The following ITGA4 variants were observed in gnomAD, a reference collection of about 807,000 sequenced individuals.
ITGA4 encodes the protein integrin alpha-4.
A neutral mutation model predicts 133.6 loss-of-function variants in ITGA4; 63 were observed. The ratio of observed to expected loss-of-function variants is 0.47; its 90% CI spans 0.38 to 0.58. The LOEUF is 0.58. Among genes scored for constraint, ITGA4 ranks in the 20% least tolerant of loss-of-function variants. The probability of loss-of-function intolerance (pLI) is 0.00; values close to 1 mark genes in which losing one functional copy is unlikely to be tolerated. For synonymous variants in ITGA4, 483 were observed against 438.0 expected, an observed-to-expected ratio of 1.10 and a Z score of -1.28; for missense variants, 1,076 against 1,252.7, an observed-to-expected ratio of 0.86 and a Z score of 2.13.
rs35723610 is a variant in ITGA4 at position 181,490,484 on chromosome 2, C to CGT, written c.1154-2800_1154-2799dup. 3.2e-3 allele frequency among the ~76,000 whole-genome samples: 440 copies of CGT among 137,822 alleles called. 4 individuals are homozygous for CGT. Among genetic ancestry groups the CGT allele is most frequent in the Middle Eastern group, 7.4e-3 (2 of 270 alleles). The allele number at this position is 137,822 out of a possible 152,430, so 90.4% of individuals were successfully genotyped here. On this transcript the variant is annotated intron_variant, in intron 10 of 27. Coordinates refer to ENST00000397033, the MANE Select transcript of ITGA4 (RefSeq NM_000885.6). ...TTTTTTTTTATGGCTGAATAGTATT[C>CGT]GTGTGTGTGTGTGTGTGTGTGTGTG...
intron 14 of ITGA4, among the ~76,000 whole-genome samples, chr2:181,497,412 T>C (rs1686177829): frequency 6.6e-6 from 1 of 151,958 alleles, no homozygotes; most frequent in Admixed American, 6.6e-5. Context: ...TAATAGTGGA[T>C]TTTTTTTCAC....
chr2:181,499,954 A>G (rs995525715), intron 15 of ITGA4, among the ~76,000 whole-genome samples: 1 of 152,170 alleles, frequency 6.6e-6, no homozygotes, highest in Non-Finnish European at 1.5e-5. Context: ...TCGTTCCTGT[A>G]AATAAGGGAT....
chr2:181,480,439 A>C (rs924249584), intron 6 of ITGA4, among the ~76,000 whole-genome samples, 173 bp downstream of exon 6: 4 of 151,996 alleles, frequency 2.6e-5, no homozygotes, highest in Non-Finnish European at 5.9e-5. Flanking sequence ...ACTTCAGTGA[A>C]CTCAGTATTT....
Position 181,495,956 on chromosome 2 carries a change from A to C in ITGA4, c.1540+19A>C. 1 of 1,610,744 alleles carries C rather than the reference A, an allele frequency of 6.2e-7. No individual in the cohort carries two copies. Among genetic ancestry groups the C allele is most frequent in the Non-Finnish European group, 8.5e-7 (1 of 1,177,832 alleles). ...TACATTGGTGGGTATGCCCTACAAT[A>C]TTAATGCTTGATGGGGTGCGGTTCA... is the stretch of plus-strand genomic sequence containing the variant. On this transcript the variant is annotated intron_variant, in intron 14 of 27. Transcript: ENST00000397033. This position sits in a 1 kb window ranked among gnomAD's most constrained non-coding sequence, Gnocchi z 4.3.
At chr2:181,481,419 T>C (rs17224524) in intron 6 of ITGA4, among the ~76,000 whole-genome samples, 179 bp from the exon 7 acceptor site, 24,410 of 152,210 alleles carry the variant, frequency 0.16, 2,151 homozygotes, top group Middle Eastern at 0.24. Context: ...GTAAAACATA[T>C]CAAAATTGCA....
chr2:181,507,798 C>T (rs551813773), intron 15 of ITGA4, among the ~76,000 whole-genome samples: 36 of 152,144 alleles, frequency 2.4e-4, no homozygotes, highest in African/African-American at 7.9e-4. Flanking sequence ...CTGATGCAAC[C>T]ATCCATTATT....
intron 2 of ITGA4, among the ~76,000 whole-genome samples, chr2:181,462,949 G>A (rs1187298271): frequency 2.6e-5 from 4 of 152,116 alleles, no homozygotes; most frequent in African/African-American, 4.8e-5. Flanking sequence ...GCATACAAAA[G>A]AAACATACTC....
At chr2:181,491,614 TGAAGA>T (rs1686049692) in intron 10 of ITGA4, among the ~76,000 whole-genome samples, 1 of 152,252 alleles carries the variant, frequency 6.6e-6, no homozygotes, top group Non-Finnish European at 1.5e-5. Context: ...TCATGTGTTA[TGAAGA>T]ATCAATATAT....
chr2:181,473,717 C>T (rs896953214), intron 2 of ITGA4, among the ~76,000 whole-genome samples: 5 of 152,118 alleles, frequency 3.3e-5, no homozygotes, highest in Non-Finnish European at 5.9e-5. Flanking sequence ...CTGGTAATCC[C>T]AGCACTTTAG....
At chr2:181,474,188 C>T (rs192738047) in intron 2 of ITGA4, among the ~76,000 whole-genome samples, 36 of 152,248 alleles carry the variant, frequency 2.4e-4, no homozygotes, top group African/African-American at 8.4e-4. Context: ...AGCTATAACA[C>T]AAATAATTTT....
chr2:181,512,814 G>A (rs3770112), intron 17 of ITGA4, among the ~76,000 whole-genome samples: 35,401 of 151,976 alleles, frequency 0.23, 4,839 homozygotes, highest in Non-Finnish European at 0.31. Context: ...CAGGATTAGT[G>A]ATTAAAGAAA....
At chr2:181,533,009 G>GA (rs1384426134) in intron 25 of ITGA4, among the ~76,000 whole-genome samples, 20 of 151,924 alleles carry the variant, frequency 1.3e-4, no homozygotes, top group Non-Finnish European at 2.2e-4. Flanking sequence ...AAAAACTAAG[G>GA]CTTTCATAAA....
At chr2:181,459,466 C>A (rs925540793) in intron 2 of ITGA4, 1 of 151,550 alleles carries the variant, frequency 6.6e-6, no homozygotes, top group African/African-American at 2.4e-5. Flanking sequence ...AGTCTTTGCT[C>A]TTTTTCAAAC....
chr2:181,533,723 T>C (rs1686993575), intron 25 of ITGA4, among the ~76,000 whole-genome samples: 2 of 152,154 alleles, frequency 1.3e-5, no homozygotes, highest in East Asian at 3.8e-4. Context: ...AAAGGTCATA[T>C]CCCTCTTTAA....
intron 4 of ITGA4, chr2:181,475,712 C>G: frequency 7.2e-7 from 1 of 1,398,548 alleles, no homozygotes; most frequent in East Asian, 2.5e-5. Flanking sequence ...GCAAATCTTT[C>G]ATTCGCACTC....
chr2:181,506,452 C>T (rs1217456851), intron 15 of ITGA4, among the ~76,000 whole-genome samples: 2 of 151,920 alleles, frequency 1.3e-5, no homozygotes, highest in African/African-American at 2.4e-5. Flanking sequence ...GAAACTTGTC[C>T]AATGTTATGT....
At chr2:181,487,771 C>G (rs545685142) in intron 10 of ITGA4, among the ~76,000 whole-genome samples, 1 of 152,104 alleles carries the variant, frequency 6.6e-6, no homozygotes, top group Non-Finnish European at 1.5e-5. Context: ...AAAATAGTGG[C>G]ACCCTTTTTT....
At chr2:181,481,069 TAGA>T (rs1460073212) in intron 6 of ITGA4, among the ~76,000 whole-genome samples, 4 of 152,148 alleles carry the variant, frequency 2.6e-5, no homozygotes, top group Admixed American at 2.0e-4. Flanking sequence ...AAATTTCAAG[TAGA>T]AGAATTTGTT....
chr2:181,520,669 G>C (rs1686699689), intron 17 of ITGA4, among the ~76,000 whole-genome samples: 1 of 152,112 alleles, frequency 6.6e-6, no homozygotes. Context: ...CAAGTATCAT[G>C]TCTTTACTAC....
Sources: allele counts gnomAD v4.1 joint callset (sites outside exome capture counted in the v4.1 genomes callset), GRCh38; gene constraint gnomAD v4.1.1; non-coding constraint Gnocchi (gnomAD v3.1); transcripts MANE v1.5; gene names NCBI Gene and HGNC (gene_info 2026-07-23, HGNC 2026-07-21).